Variants in C6orf89 observed in about 807,000 individuals in gnomAD.
C6orf89 encodes bombesin receptor-activated protein C6orf89.
In C6orf89, 29 loss-of-function variants were observed where a neutral mutation model predicts 40.7. The ratio of observed to expected loss-of-function variants is 0.71; its 90% confidence interval spans 0.53 to 0.97. C6orf89 has a LOEUF of 0.97. Ranked by LOEUF, C6orf89 falls within the 50% of genes least tolerant of loss-of-function variation. C6orf89 has a pLI of 0.00. For missense variants in C6orf89, 392 were observed against 429.1 expected, an observed-to-expected ratio of 0.91 and a Z score of 0.76; for synonymous variants, 165 against 152.2, an observed-to-expected ratio of 1.08 and a Z score of -0.62.
chr6:36,916,634 G>A (rs1762333465), intron 7 of C6orf89, 60 bp downstream of exon 7: 3 of 1,604,956 alleles, frequency 1.9e-6, no homozygotes, highest in Middle Eastern at 1.7e-4. Flanking sequence ...CTGGACTGAT[G>A]TCATAACCAA....
At position 36,926,817 on chromosome 6, in the gene C6orf89, G is replaced by C. The variant is rs1236727254; in HGVS notation, c.*3376G>C. ...GTTAACCGCTGGCAGGTAGGTAGCT[G>C]GTTCCATAGCACATCATTTTCCTGC... On this transcript the variant is annotated 3_prime_UTR_variant, in exon 9 of 9. Coordinates refer to ENST00000480824, the MANE Select transcript of C6orf89 (RefSeq NM_001286635.2). 6.6e-6 allele frequency: 1 copy of C among 152,214 alleles called. No individual in the cohort carries two copies. The highest frequency in any genetic ancestry group is 6.5e-5 in the Admixed American group (1 of 15,288). 9.4% of individuals were successfully genotyped at this position (152,214 alleles called of 1,614,324 possible).
At chr6:36,881,401 G>C (rs536236204), upstream of C6orf89, among the ~76,000 whole-genome samples, 1 of 152,316 alleles carries the variant, frequency 6.6e-6, no homozygotes, top group South Asian at 2.1e-4. Context: ...GGCCAGGCAC[G>C]GTGGCCCATG....
At chr6:36,884,829 T>A (rs900793117), upstream of C6orf89, among the ~76,000 whole-genome samples, 2 of 152,146 alleles carry the variant, frequency 1.3e-5, no homozygotes, top group South Asian at 4.1e-4. The surrounding 1 kb of genome is among the most constrained non-coding windows in gnomAD (Gnocchi z 4.0). Flanking sequence ...ACCAAGGCTT[T>A]AAAAAAACAC....
rs577414494 is a variant in C6orf89 at position 36,905,129 on chromosome 6, G to T, written c.403+2695G>T. Reference sequence around the variant, plus strand: ...ACCAGATGCCAGACCCTGTTCAGGGGGCTTTCCATATATCGGCTTATTTAA... The same window carrying T: ...ACCAGATGCCAGACCCTGTTCAGGGTGCTTTCCATATATCGGCTTATTTAA... On this transcript the variant is annotated intron_variant, in intron 4 of 8. Coordinates refer to ENST00000480824, the MANE Select transcript of C6orf89 (RefSeq NM_001286635.2). Among the ~76,000 whole-genome samples the T allele has an allele frequency of 5.8e-3, 881 of 152,280 alleles. 7 individuals carry two copies. Among genetic ancestry groups the T allele is most frequent in the African/African-American group, 0.019 (796 of 41,560 alleles).
At chr6:36,919,759 G>A in intron 8 of C6orf89, 58 bp downstream of exon 8, 1 of 1,510,532 alleles carries the variant, frequency 6.6e-7, no homozygotes, top group Non-Finnish European at 8.9e-7. Flanking sequence ...TAACTCAAAA[G>A]CTATTTTAAG....
chr6:36,876,215 C>T (rs1219807328), intron 1 of C6orf89, among the ~76,000 whole-genome samples: 1 of 152,028 alleles, frequency 6.6e-6, no homozygotes, highest in Non-Finnish European at 1.5e-5. Context: ...ATGTGCCATT[C>T]CCAGGCTCCA....
upstream of C6orf89, among the ~76,000 whole-genome samples, chr6:36,881,016 C>G (rs1771908838): frequency 6.6e-6 from 1 of 152,154 alleles, no homozygotes; most frequent in Admixed American, 6.5e-5. Context: ...ACTGTACAGC[C>G]TGCCTGCTTT....
At chr6:36,911,939 C>CT (rs1244659500) in intron 4 of C6orf89, among the ~76,000 whole-genome samples, 1 of 148,166 alleles carries the variant, frequency 6.7e-6, no homozygotes, top group Admixed American at 6.7e-5. Flanking sequence ...AACCCCCCCC[C>CT]CCCGACCTTT....
rs145859574 is a variant in C6orf89, at chr6:36,886,907, C to T, written c.-120+879C>T. ...CAATTCTGCTACATTGAAGTTTTGACTAAAGGTTCATGTAGCCCAACTTGC... is the reference window on the plus strand; with the variant it reads ...CAATTCTGCTACATTGAAGTTTTGATTAAAGGTTCATGTAGCCCAACTTGC... On this transcript the variant is annotated intron_variant, in intron 1 of 8. Coordinates refer to ENST00000480824, the MANE Select transcript of C6orf89 (RefSeq NM_001286635.2). 2.0e-5 allele frequency among the ~76,000 whole-genome samples: 3 copies of T among 152,274 alleles called. No individual in the cohort carries two copies. The East Asian group carries it at 5.8e-4, about 29-fold the overall frequency.
At chr6:36,896,700 T>C (rs1472232312) in intron 2 of C6orf89, among the ~76,000 whole-genome samples, 2 of 152,234 alleles carry the variant, frequency 1.3e-5, no homozygotes, top group African/African-American at 4.8e-5. Flanking sequence ...CTTGTTCTTT[T>C]GGTATCATAT....
intron 1 of C6orf89, among the ~76,000 whole-genome samples, chr6:36,893,272 T>G (rs922289661): frequency 3.9e-5 from 6 of 152,094 alleles, no homozygotes; most frequent in African/African-American, 1.4e-4. Flanking sequence ...TTTTTTGTTC[T>G]TGTTTAATTA....
chr6:36,877,620 C>T (rs568721889), intron 1 of C6orf89, among the ~76,000 whole-genome samples: 43 of 152,330 alleles, frequency 2.8e-4, no homozygotes, highest in Admixed American at 7.8e-4. Flanking sequence ...TGAGCCACCA[C>T]GCCTGGCCAG....
upstream of C6orf89, among the ~76,000 whole-genome samples, chr6:36,882,409 T>G (rs4711472): frequency 0.19 from 29,545 of 152,226 alleles, 3,680 homozygotes; most frequent in East Asian, 0.34. Context: ...GCTATGCACC[T>G]AAATTGGAGA....
chr6:36,881,735 T>C (rs1774815448), upstream of C6orf89, among the ~76,000 whole-genome samples: 1 of 152,122 alleles, frequency 6.6e-6, no homozygotes, highest in South Asian at 2.1e-4. Context: ...TGTGAACATA[T>C]TGGCTAAAGT....
In C6orf89 at chr6:36,886,001, A is replaced by G. The variant is rs2150674604; in HGVS notation, c.-147A>G. ...CGGCGGCAGCTGTCCCCGAGGCGGGAGGAGCCCGAGGGGCGCGAGCCCCGC... is the reference window on the plus strand; with the variant it reads ...CGGCGGCAGCTGTCCCCGAGGCGGGGGGAGCCCGAGGGGCGCGAGCCCCGC... On this transcript the variant is annotated 5_prime_UTR_variant, in exon 1 of 9. Coordinates refer to ENST00000480824, the MANE Select transcript of C6orf89 (RefSeq NM_001286635.2). 9.0e-7 allele frequency: 1 copy of G among 1,111,212 alleles called. No homozygotes were observed. The highest frequency in any genetic ancestry group is 1.1e-6 in the Non-Finnish European group (1 of 933,672). The allele number at this position is 1,111,212 out of a possible 1,614,324, so 68.8% of individuals were successfully genotyped here.
intron 4 of C6orf89, among the ~76,000 whole-genome samples, chr6:36,908,621 A>G (rs943312184): frequency 6.6e-6 from 1 of 152,230 alleles, no homozygotes; most frequent in Non-Finnish European, 1.5e-5. Flanking sequence ...GTTCACACAC[A>G]TACAAAAGAT....
intron 1 of C6orf89, among the ~76,000 whole-genome samples, chr6:36,892,193 C>A (rs1033622739): frequency 6.6e-6 from 1 of 152,180 alleles, no homozygotes. Context: ...AACTCCCTGG[C>A]TTACCTCCGA....
rs192617280 is a variant in C6orf89, at chr6:36,900,335, G to A, written c.189+702G>A. ...TCCTGCCTCAGCCTCCCAAGTAGCT[G>A]GGATTACAGCCATGTGCCACCACAC... On this transcript the variant is annotated intron_variant, in intron 3 of 8. Coordinates refer to ENST00000480824, the MANE Select transcript of C6orf89 (RefSeq NM_001286635.2). Among the ~76,000 whole-genome samples, 7 of 147,922 alleles carry A rather than the reference G, an allele frequency of 4.7e-5. No homozygotes were observed. In the East Asian group the frequency reaches 8.0e-4, roughly 17 times the overall value.
At chr6:36,921,805 A>T (rs1260493195) in intron 8 of C6orf89, among the ~76,000 whole-genome samples, 1 of 152,172 alleles carries the variant, frequency 6.6e-6, no homozygotes, top group Non-Finnish European at 1.5e-5. Flanking sequence ...AGGCAGGAGG[A>T]TTGCTTGAGC....
Sources: gnomAD v4.1 joint callset for allele counts (sites outside exome capture counted in the v4.1 genomes callset) on GRCh38, gnomAD v4.1.1 for gene constraint, Gnocchi (gnomAD v3.1) non-coding constraint, MANE v1.5 for transcripts, NCBI Gene and HGNC (gene_info 2026-07-23, HGNC 2026-07-21) for gene names.